The following EPB41L3 variants were observed in gnomAD, a reference collection of about 807,000 sequenced individuals.
EPB41L3 encodes the protein band 4.1-like protein 3.
EPB41L3 carries 57 observed loss-of-function variants against 127.1 expected under a neutral mutation model. That is an observed-to-expected ratio of 0.45 (90% CI 0.36 to 0.56). The LOEUF is 0.56. Among genes scored for constraint, EPB41L3 ranks in the 20% least tolerant of loss-of-function variants. The pLI is 0.00. For missense variants in EPB41L3, 1,273 were observed against 1,372.2 expected, an observed-to-expected ratio of 0.93 and a Z score of 1.14; for synonymous variants, 572 against 549.5, an observed-to-expected ratio of 1.04 and a Z score of -0.57.
chr18:5,618,653 C>T (rs2094825587), intron 1 of EPB41L3, among the ~76,000 whole-genome samples: 1 of 152,162 alleles, frequency 6.6e-6, no homozygotes, highest in African/African-American at 2.4e-5. Context: ...AAACAAATTT[C>T]TGAATTCAAT....
intron 3 of EPB41L3, 144 bp from the exon 4 acceptor site, chr18:5,445,388 C>T (rs1442882177): frequency 1.5e-6 from 1 of 666,672 alleles, no homozygotes; most frequent in Non-Finnish European, 2.5e-6. Flanking sequence ...TTGCCATCTC[C>T]TGTTTAAGTG....
intron 16 of EPB41L3, among the ~76,000 whole-genome samples, chr18:5,402,141 T>A (rs886847611): frequency 1.3e-5 from 2 of 150,564 alleles, no homozygotes; most frequent in Non-Finnish European, 3.0e-5. Context: ...CTCTTTCTAA[T>A]GAGAAACAAG....
At chr18:5,463,273 C>T (rs1158397920) in intron 3 of EPB41L3, among the ~76,000 whole-genome samples, 1 of 152,192 alleles carries the variant, frequency 6.6e-6, no homozygotes, top group African/African-American at 2.4e-5. Context: ...AACTCCCCTA[C>T]ATAAAGCTCC....
At position 5,511,330 on chromosome 18, in the gene EPB41L3, A is replaced by C. The variant is rs537860486; in HGVS notation, c.-11-22136T>G. The stretch of plus-strand genomic sequence containing the variant: ...CTTGAAAAATTGACTTGAAGAAGCA[A>C]GCAGAGATGGTTAAAGGTCCCAAGT... On this transcript the variant is annotated intron_variant, in intron 1 of 22. Coordinates refer to ENST00000341928, the MANE Select transcript of EPB41L3 (RefSeq NM_012307.5). Among the ~76,000 whole-genome samples, 8 of 150,778 alleles carry C rather than the reference A, an allele frequency of 5.3e-5. No homozygotes were observed. In the East Asian group the frequency reaches 1.6e-3, roughly 30 times the overall value.
At position 5,496,432 on chromosome 18, in the gene EPB41L3, T is replaced by A. The variant is rs374090901; in HGVS notation, c.-11-7238A>T. On this transcript the variant is annotated intron_variant, in intron 1 of 22. Coordinates refer to ENST00000341928, the MANE Select transcript of EPB41L3 (RefSeq NM_012307.5). ...GCCCCTACTCAAGGAAGGGGACCTATGTTAGCAGAGAACTTTAATAGAGTT... is the reference window on the plus strand; with the variant it reads ...GCCCCTACTCAAGGAAGGGGACCTAAGTTAGCAGAGAACTTTAATAGAGTT... Among the ~76,000 whole-genome samples, 11 of 152,360 alleles carry A rather than the reference T, an allele frequency of 7.2e-5. No homozygotes were observed. In the East Asian group the frequency reaches 1.3e-3, roughly 19 times the overall value.
At chr18:5,467,871 C>T (rs767690789) in intron 3 of EPB41L3, among the ~76,000 whole-genome samples, 4 of 152,144 alleles carry the variant, frequency 2.6e-5, no homozygotes, top group African/African-American at 4.8e-5. Context: ...TCCACAGAGC[C>T]GGCAGGAGCC....
intron 3 of EPB41L3, among the ~76,000 whole-genome samples, chr18:5,596,437 T>G (rs186345650): frequency 6.6e-6 from 1 of 152,172 alleles, no homozygotes; most frequent in African/African-American, 2.4e-5. Context: ...CCACCAAAAG[T>G]AACAGCTAAG....
At chr18:5,619,666 C>T (rs192758068) in intron 1 of EPB41L3, among the ~76,000 whole-genome samples, 19 of 152,294 alleles carry the variant, frequency 1.2e-4, no homozygotes, top group African/African-American at 3.1e-4. Context: ...ACCCCCTTTC[C>T]TTATGCCAAA....
intron 21 of EPB41L3, 117 bp from the exon 22 acceptor site, chr18:5,394,910 A>G: frequency 8.4e-7 from 1 of 1,193,896 alleles, no homozygotes; most frequent in Admixed American, 1.9e-5. Flanking sequence ...AATGAGGTAC[A>G]ATGATTACAA....
chr18:5,454,983 A>C (rs549703428), intron 3 of EPB41L3, among the ~76,000 whole-genome samples: 1 of 152,226 alleles, frequency 6.6e-6, no homozygotes, highest in South Asian at 2.1e-4. Context: ...TTCTACAACT[A>C]ATCAGCTCTG....
rs185496307 is a variant in EPB41L3 at position 5,522,931 on chromosome 18, A to T, written c.-12+20982T>A. Among the ~76,000 whole-genome samples the T allele has an allele frequency of 3.5e-4, 52 of 150,594 alleles. No homozygotes were observed. In the South Asian group the frequency reaches 8.4e-3, roughly 24 times the overall value. On this transcript the variant is annotated intron_variant, in intron 1 of 22. Coordinates refer to ENST00000341928, the MANE Select transcript of EPB41L3 (RefSeq NM_012307.5). ...AAATGATATTACTTTTATTGCTAAA[A>T]TTTTTTTTTTGCAACATGGCTGCAA...
chr18:5,424,216 G>T, intron 10 of EPB41L3, 46 bp downstream of exon 10: 1 of 1,327,548 alleles, frequency 7.5e-7, no homozygotes, highest in South Asian at 1.5e-5. Flanking sequence ...CAGTATAAGT[G>T]ATTATAATTA....
intron 3 of EPB41L3, among the ~76,000 whole-genome samples, chr18:5,566,787 C>CCA (rs754498386): frequency 0.069 from 9,663 of 140,152 alleles, 435 homozygotes; most frequent in Admixed American, 0.1. Flanking sequence ...CTATTCTATT[C>CCA]TATTCCATTC....
chr18:5,492,840 T>C (rs1598288350), intron 1 of EPB41L3, among the ~76,000 whole-genome samples: 1 of 152,132 alleles, frequency 6.6e-6, no homozygotes, highest in Non-Finnish European at 1.5e-5. Context: ...GAGGAGTCCT[T>C]AATTTTTTTT....
At chr18:5,475,535 T>A in intron 3 of EPB41L3, among the ~76,000 whole-genome samples, 1 of 152,348 alleles carries the variant, frequency 6.6e-6, no homozygotes, top group South Asian at 2.1e-4. Context: ...GGAAACAGCC[T>A]GTGATTACAA....
At chr18:5,620,773 G>T (rs1420616618) in intron 1 of EPB41L3, among the ~76,000 whole-genome samples, 1 of 151,994 alleles carries the variant, frequency 6.6e-6, no homozygotes, top group Non-Finnish European at 1.5e-5. Flanking sequence ...GGAGTCTTTT[G>T]GGAAAGAACC....
intron 3 of EPB41L3, among the ~76,000 whole-genome samples, chr18:5,609,422 T>C (rs1319471474): frequency 6.6e-6 from 1 of 152,208 alleles, no homozygotes; most frequent in Non-Finnish European, 1.5e-5. Flanking sequence ...TATTCTGCAT[T>C]CTATAGCAAG....
intron 3 of EPB41L3, 149 bp from the exon 4 acceptor site, chr18:5,445,393 TAAGTGCAA>T: frequency 1.5e-6 from 1 of 656,634 alleles, no homozygotes; most frequent in Non-Finnish European, 2.5e-6. Context: ...ATCTCCTGTT[TAAGTGCAA>T]AAATGGCTAA....
chr18:5,493,400 CT>C (rs904328824), intron 1 of EPB41L3, among the ~76,000 whole-genome samples: 13 of 152,096 alleles, frequency 8.5e-5, no homozygotes, highest in African/African-American at 2.9e-4. Context: ...TAACATCAAC[CT>C]TTTTTTCTTT....
Sources: gnomAD v4.1 joint callset for allele counts (sites outside exome capture counted in the v4.1 genomes callset) on GRCh38, gnomAD v4.1.1 for gene constraint, MANE v1.5 for transcripts, NCBI Gene and HGNC (gene_info 2026-07-23, HGNC 2026-07-21) for gene names.